The following SRGAP1 variants were observed in gnomAD, a reference collection of about 807,000 sequenced individuals.
SRGAP1 encodes the protein SLIT-ROBO Rho GTPase-activating protein 1.
In SRGAP1, 43 loss-of-function variants were observed where a neutral mutation model predicts 121.9. That is an observed-to-expected ratio of 0.35 (90% CI 0.28 to 0.46). The LOEUF (loss-of-function observed/expected upper bound fraction) is 0.46. Among genes scored for constraint, SRGAP1 ranks in the 20% least tolerant of loss-of-function variants. The pLI is 1.00. For synonymous variants in SRGAP1, 447 were observed against 485.4 expected (o/e 0.92, Z 1.04); for missense variants, 1,102 against 1,350.9 (o/e 0.82, Z 2.89).
intron 1 of SRGAP1, among the ~76,000 whole-genome samples, chr12:63,886,362 A>G (rs536418895): frequency 6.7e-6 from 1 of 149,368 alleles, no homozygotes; most frequent in African/African-American, 2.6e-5. Context: ...GTGCCTGGCC[A>G]ATGAAAATAA....
chr12:64,129,650 G>A (rs141739064), intron 21 of SRGAP1, among the ~76,000 whole-genome samples: 8 of 152,166 alleles, frequency 5.3e-5, no homozygotes, highest in Admixed American at 4.6e-4. Context: ...TCATAATTAC[G>A]CCTAACATGA....
At chr12:64,061,560 C>T (rs1204072619) in intron 6 of SRGAP1, among the ~76,000 whole-genome samples, 1 of 152,152 alleles carries the variant, frequency 6.6e-6, no homozygotes, top group East Asian at 1.9e-4. Flanking sequence ...AATTCACATA[C>T]TACACAGTTC....
chr12:63,880,711 C>T (rs1489342711), intron 1 of SRGAP1, among the ~76,000 whole-genome samples: 2 of 152,174 alleles, frequency 1.3e-5, no homozygotes, highest in Non-Finnish European at 2.9e-5. Context: ...TGTGTTCTGG[C>T]AGCACCTCCC....
intron 3 of SRGAP1, among the ~76,000 whole-genome samples, chr12:64,009,889 A>G (rs995072138): frequency 3.3e-5 from 5 of 152,216 alleles, no homozygotes; most frequent in Admixed American, 2.6e-4. Flanking sequence ...GGAAATGTGC[A>G]GAAACACTGT....
At chr12:63,876,500 A>C (rs1900033079) in intron 1 of SRGAP1, among the ~76,000 whole-genome samples, 6 of 152,200 alleles carry the variant, frequency 3.9e-5, no homozygotes, top group Admixed American at 3.9e-4. Context: ...AATATGTTTA[A>C]CTGTGAAATT....
chr12:64,069,002 T>G (rs1251200108), intron 8 of SRGAP1, among the ~76,000 whole-genome samples: 1 of 69,156 alleles, frequency 1.4e-5, no homozygotes, highest in Non-Finnish European at 3.8e-5. Flanking sequence ...AGTGCAAGAC[T>G]CTGTCTCAAA....
At chr12:63,989,503 C>A (rs150868221) in intron 2 of SRGAP1, among the ~76,000 whole-genome samples, 1 of 152,014 alleles carries the variant, frequency 6.6e-6, no homozygotes, top group African/African-American at 2.4e-5. Context: ...ACATTCAAAG[C>A]AGACTTTGTA....
chr12:63,847,123 G>A (rs1281587553), intron 1 of SRGAP1, among the ~76,000 whole-genome samples: 1 of 152,060 alleles, frequency 6.6e-6, no homozygotes, highest in Admixed American at 6.6e-5. Flanking sequence ...GGGGTTAGGG[G>A]TTCAAGACCA....
At chr12:63,928,576 G>A (rs934224826) in intron 1 of SRGAP1, among the ~76,000 whole-genome samples, 4 of 151,994 alleles carry the variant, frequency 2.6e-5, no homozygotes, top group African/African-American at 4.8e-5. Context: ...TCTGTCTTGG[G>A]TAGTGGTTAC....
At chr12:64,114,741 A>G (rs2036490888) in intron 17 of SRGAP1, among the ~76,000 whole-genome samples, 1 of 152,196 alleles carries the variant, frequency 6.6e-6, no homozygotes, top group South Asian at 2.1e-4. Flanking sequence ...TGTCTGGTCA[A>G]TATTATTTAT....
intron 2 of SRGAP1, among the ~76,000 whole-genome samples, chr12:63,986,747 C>A (rs2033430301): frequency 6.6e-6 from 1 of 152,070 alleles, no homozygotes. Flanking sequence ...TTTTTAGTAT[C>A]TTCTGTGTTT....
In SRGAP1 at chr12:64,158,283, T is replaced by C. The variant is rs2037180730; in HGVS notation, c.*15611T>C. 1 of 152,236 alleles carries C rather than the reference T, an allele frequency of 6.6e-6. No individual in the cohort carries two copies. Among genetic ancestry groups the C allele is most frequent in the Non-Finnish European group, 1.5e-5 (1 of 68,038 alleles). The allele number at this position is 152,236 out of a possible 1,614,324, so 9.4% of individuals were successfully genotyped here. A position where few individuals can be genotyped will look rare whatever the true frequency, so the allele number is the denominator to read the frequency against. On this transcript the variant is annotated 3_prime_UTR_variant, in exon 22 of 22. Transcript: ENST00000355086. The stretch of plus-strand genomic sequence containing the variant: ...TTTCCTGCTTTGTATTTGTCCTTTA[T>C]TCCAAAAACTTAAAAATTTCTCATT...
chr12:64,033,035 C>T (rs1454354134), intron 4 of SRGAP1, among the ~76,000 whole-genome samples: 3 of 151,994 alleles, frequency 2.0e-5, no homozygotes, highest in African/African-American at 7.3e-5. Flanking sequence ...AAAAAAATGC[C>T]GCTCTGTATG....
intron 1 of SRGAP1, among the ~76,000 whole-genome samples, chr12:63,963,016 C>G (rs915839918): frequency 6.6e-6 from 1 of 151,992 alleles, no homozygotes; most frequent in Non-Finnish European, 1.5e-5. Context: ...TTTAATGTAG[C>G]TTCTAGAAAA....
chr12:63,844,926 T>C lies in SRGAP1; in HGVS notation c.67+43T>C, dbSNP rs781567173. 1.9e-5 allele frequency: 30 copies of C among 1,575,792 alleles called. No homozygotes were observed. The highest frequency in any genetic ancestry group is 2.6e-5 in the Non-Finnish European group (30 of 1,145,170). On this transcript the variant is annotated intron_variant, in intron 1 of 21. Transcript: ENST00000355086. This position sits in a 1 kb window ranked among gnomAD's most constrained non-coding sequence, Gnocchi z 4.3. ...TGCCTTGCTCCTTTTGTGTGCCTTC[T>C]TGTCATTGTGCTCGTGGAGTTGCGT...
At chr12:64,115,376 G>A (rs2036501015) in intron 17 of SRGAP1, among the ~76,000 whole-genome samples, 1 of 152,154 alleles carries the variant, frequency 6.6e-6, no homozygotes, top group Admixed American at 6.5e-5. Flanking sequence ...AATCAATGGA[G>A]GTGCCAGGAT....
At chr12:63,868,480 A>G (rs1899740884) in intron 1 of SRGAP1, among the ~76,000 whole-genome samples, 1 of 152,038 alleles carries the variant, frequency 6.6e-6, no homozygotes, top group Non-Finnish European at 1.5e-5. Flanking sequence ...GGCTCAGGTG[A>G]TCCTCCCACC....
intron 1 of SRGAP1, among the ~76,000 whole-genome samples, chr12:63,916,653 C>T (rs964879324): frequency 2.6e-5 from 1 of 38,736 alleles, no homozygotes; most frequent in African/African-American, 5.1e-5. Context: ...AGGGAAATGA[C>T]GGGGAACATT....
chr12:63,921,536 A>G (rs1454189724), intron 1 of SRGAP1, among the ~76,000 whole-genome samples: 1 of 152,184 alleles, frequency 6.6e-6, no homozygotes, highest in African/African-American at 2.4e-5. Flanking sequence ...TACAACTCTA[A>G]GTAACATCAT....
Sources: allele counts gnomAD v4.1 joint callset (sites outside exome capture counted in the v4.1 genomes callset), GRCh38; gene constraint gnomAD v4.1.1; non-coding constraint Gnocchi (gnomAD v3.1); transcripts MANE v1.5; gene names NCBI Gene and HGNC (gene_info 2026-07-23, HGNC 2026-07-21).